Variants in SV2C observed in about 807,000 individuals in gnomAD.
SV2C encodes solute carrier family 22 member B3.
SV2C carries 49 observed loss-of-function variants against 79.7 expected under a neutral mutation model. The ratio of observed to expected loss-of-function variants is 0.61; its 90% CI spans 0.49 to 0.78. SV2C has a LOEUF of 0.78. Ranked by LOEUF, SV2C falls within the 30% of genes least tolerant of loss-of-function variation. SV2C has a pLI of 0.00. For missense variants in SV2C, 833 were observed against 912.9 expected (o/e 0.91, Z 1.13); for synonymous variants, 334 against 333.2 (o/e 1.00, Z -0.03).
intron 4 of SV2C, among the ~76,000 whole-genome samples, chr5:76,223,082 T>C (rs1745118488): frequency 6.6e-6 from 1 of 152,194 alleles, no homozygotes; most frequent in Admixed American, 6.5e-5. Flanking sequence ...ACCCCTTGTC[T>C]GTCCAGGCGA....
At chr5:76,011,564 A>T in the SV2C span, among the ~76,000 whole-genome samples, 1 of 152,124 alleles carries the variant, frequency 6.6e-6, no homozygotes, top group Admixed American at 6.6e-5. Flanking sequence ...CTGAAGTCAA[A>T]TTAATAGATA....
chr5:76,214,502 T>C (rs986521180), intron 4 of SV2C, among the ~76,000 whole-genome samples: 3 of 152,218 alleles, frequency 2.0e-5, no homozygotes, highest in African/African-American at 7.2e-5. Flanking sequence ...TTACTTTAGC[T>C]ACTCAGGGTC....
intron 4 of SV2C, among the ~76,000 whole-genome samples, chr5:76,213,400 G>A (rs1181207287): frequency 6.6e-6 from 1 of 152,114 alleles, no homozygotes; most frequent in Non-Finnish European, 1.5e-5. Context: ...TTTTTGAATT[G>A]TAAAATTTGT....
chr5:76,322,094 A>C (rs1240305871), intron 12 of SV2C, among the ~76,000 whole-genome samples: 1 of 152,290 alleles, frequency 6.6e-6, no homozygotes, highest in Admixed American at 6.5e-5. Context: ...ACCCTCCCTA[A>C]TTTTCTGAGA....
At chr5:75,979,977 T>G in the SV2C span, among the ~76,000 whole-genome samples, 17,567 of 151,856 alleles carry the variant, frequency 0.12, 2,914 homozygotes, top group African/African-American at 0.37. Flanking sequence ...TAGACTGCTA[T>G]CTAGACTAAT....
the SV2C span, among the ~76,000 whole-genome samples, chr5:76,009,859 T>C: frequency 1.3e-5 from 2 of 151,842 alleles, no homozygotes; most frequent in African/African-American, 4.8e-5. Flanking sequence ...CATCACACTA[T>C]ATACCCAGGT....
chr5:75,921,618 C>T, the SV2C span: 2,776 of 955,884 alleles, frequency 2.9e-3, 68 homozygotes, highest in East Asian at 0.044. Flanking sequence ...TTCTTCTCCC[C>T]CTTCTTGATG....
chr5:75,983,678 G>A, the SV2C span, among the ~76,000 whole-genome samples: 2 of 151,990 alleles, frequency 1.3e-5, no homozygotes, highest in African/African-American at 4.8e-5. Context: ...GTGAACAATG[G>A]CGGTTGTAGG....
chr5:76,032,910 T>G, the SV2C span, among the ~76,000 whole-genome samples: 2 of 152,240 alleles, frequency 1.3e-5, no homozygotes, highest in Admixed American at 1.3e-4. Context: ...CAGCACCTGT[T>G]GTTTCCTGAC....
chr5:76,196,713 C>T (rs771696862), intron 3 of SV2C, among the ~76,000 whole-genome samples: 1 of 152,186 alleles, frequency 6.6e-6, no homozygotes, highest in Non-Finnish European at 1.5e-5. Flanking sequence ...ACAGCATAAG[C>T]GCTGAATTTT....
chr5:76,051,798 A>G, the SV2C span, among the ~76,000 whole-genome samples: 2 of 152,188 alleles, frequency 1.3e-5, no homozygotes, highest in Admixed American at 6.5e-5. Context: ...CCTTCTTTCA[A>G]TTGATCCATG....
At chr5:75,963,808 G>A in the SV2C span, among the ~76,000 whole-genome samples, 12 of 152,116 alleles carry the variant, frequency 7.9e-5, no homozygotes, top group East Asian at 7.7e-4. Flanking sequence ...ATGTCAGACT[G>A]TCTTAGAAAG....
the SV2C span, among the ~76,000 whole-genome samples, chr5:75,864,581 A>G: frequency 6.6e-6 from 1 of 152,178 alleles, no homozygotes; most frequent in African/African-American, 2.4e-5. Context: ...TCCCTGCAGA[A>G]TCTGGCTCTG....
At chr5:76,305,358 C>T (rs1748152599) in intron 12 of SV2C, among the ~76,000 whole-genome samples, 1 of 152,152 alleles carries the variant, frequency 6.6e-6, no homozygotes, top group Non-Finnish European at 1.5e-5. Context: ...CAGAGTCTAC[C>T]ATGAAGACTG....
intron 12 of SV2C, among the ~76,000 whole-genome samples, chr5:76,316,311 G>T (rs1189965090): frequency 3.3e-5 from 5 of 152,194 alleles, no homozygotes; most frequent in African/African-American, 1.2e-4. Flanking sequence ...TCCCTGGGAA[G>T]ACAGCAGGAT....
the SV2C span, among the ~76,000 whole-genome samples, chr5:75,902,433 A>C: frequency 2.0e-5 from 3 of 152,214 alleles, no homozygotes; most frequent in East Asian, 5.8e-4. Flanking sequence ...CATCTATAGA[A>C]CAAGGAGTCT....
intron 2 of SV2C, among the ~76,000 whole-genome samples, chr5:76,133,009 C>T (rs912044384): frequency 3.4e-4 from 51 of 151,978 alleles, no homozygotes; most frequent in African/African-American, 1.2e-3. Context: ...AATATAACCT[C>T]TCTATAAAAT....
At chr5:76,239,086 T>TC (rs60031146) in intron 4 of SV2C, among the ~76,000 whole-genome samples, 1 of 151,766 alleles carries the variant, frequency 6.6e-6, no homozygotes, top group Admixed American at 6.6e-5. Context: ...TAAATAGTCT[T>TC]CCCCCCCACT....
chr5:75,863,733 G>A, the SV2C span, among the ~76,000 whole-genome samples: 1 of 152,174 alleles, frequency 6.6e-6, no homozygotes, highest in Non-Finnish European at 1.5e-5. Context: ...TTTAAAGACC[G>A]ATGTTCCGAT....
Sources: allele counts gnomAD v4.1 joint callset (sites outside exome capture counted in the v4.1 genomes callset), GRCh38; gene constraint gnomAD v4.1.1; transcripts MANE v1.5; gene names NCBI Gene and HGNC (gene_info 2026-07-23, HGNC 2026-07-21).